Variants in SASS6 observed in about 807,000 individuals in gnomAD.
SASS6 encodes SAS-6 centriolar assembly protein.
Under a neutral mutation model 94.9 loss-of-function variants are expected in SASS6, and 59 were observed. The observed-to-expected ratio is 0.62, with a 90% confidence interval of 0.50 to 0.77. The LOEUF (loss-of-function observed/expected upper bound fraction) is 0.77. Among genes scored for constraint, SASS6 ranks in the 30% least tolerant of loss-of-function variants. The pLI, the probability that SASS6 is intolerant of heterozygous loss-of-function variation, is 0.00. For missense variants in SASS6, 698 were observed against 734.1 expected, an observed-to-expected ratio of 0.95 and a Z score of 0.57; for synonymous variants, 264 against 270.0, an observed-to-expected ratio of 0.98 and a Z score of 0.22.
At position 100,123,411 on chromosome 1, in the gene SASS6, G is replaced by C. The variant is rs888469417; in HGVS notation, c.127-122C>G. ...TCATAGTTATATTGCAGACAGCTTT[G>C]TTTTCTAGTGCTGCTGGTTTTTTAT... On this transcript the variant is annotated intron_variant, in intron 2 of 16. Coordinates refer to ENST00000287482, the MANE Select transcript of SASS6 (RefSeq NM_194292.3). The C allele has an allele frequency of 4.4e-5, 23 of 524,960 alleles. No homozygotes were observed. In the African/African-American group the frequency reaches 4.4e-4, roughly 10 times the overall value. The allele number at this position is 524,960 out of a possible 1,614,324, so 32.5% of individuals were successfully genotyped here. A position where few individuals can be genotyped will look rare whatever the true frequency, so the allele number is the denominator to read the frequency against.
At position 100,102,519 on chromosome 1, in the gene SASS6, T is replaced by C. The variant is rs987165064; in HGVS notation, c.1674+436A>G. 4.6e-5 allele frequency among the ~76,000 whole-genome samples: 7 copies of C among 151,692 alleles called. No individual in the cohort carries two copies. In the East Asian group the frequency reaches 9.7e-4, roughly 21 times the overall value. On this transcript the variant is annotated intron_variant, in intron 14 of 16. Coordinates refer to ENST00000287482, the MANE Select transcript of SASS6 (RefSeq NM_194292.3). ...TGGCGAAACCTCACCTCTACTAAAA[T>C]TGCAAAAAAATTAGCTGGGTGTAGT...
chr1:100,106,774 A>T, intron 12 of SASS6, 138 bp downstream of exon 12: 1 of 552,104 alleles, frequency 1.8e-6, no homozygotes. Context: ...GGATAACTTG[A>T]ACCAAAGTGG....
In SASS6 at chr1:100,108,309, T is replaced by A. The variant is rs58040672; in HGVS notation, c.862-305A>T. On this transcript the variant is annotated intron_variant, in intron 8 of 16. Transcript: ENST00000287482. ...AATTTTCTGATGTCTCCACAACTGATTCCAAGGGTAACCACGGGTGAGAGC... is the reference window on the plus strand; with the variant it reads ...AATTTTCTGATGTCTCCACAACTGAATCCAAGGGTAACCACGGGTGAGAGC... 0.033 allele frequency among the ~76,000 whole-genome samples: 5,029 copies of A among 152,234 alleles called. 302 individuals are homozygous for A. The highest frequency in any genetic ancestry group is 0.11 in the African/African-American group (4,728 of 41,554).
At chr1:100,121,049 CAAAAA>C (rs781458509) in intron 5 of SASS6, among the ~76,000 whole-genome samples, 1 of 48,278 alleles carries the variant, frequency 2.1e-5, no homozygotes, top group Non-Finnish European at 4.2e-5. Flanking sequence ...GACTCCGTCT[CAAAAA>C]AAAAAAAAAA....
intron 7 of SASS6, among the ~76,000 whole-genome samples, chr1:100,117,119 C>A (rs1424997295): frequency 6.6e-6 from 1 of 151,572 alleles, no homozygotes; most frequent in Non-Finnish European, 1.5e-5. Flanking sequence ...CATGGTGAAA[C>A]CCCGTCTTCA....
Position 100,086,111 on chromosome 1 carries a change from TG to T in SASS6, c.1773-482del, listed in dbSNP as rs200086123. ...TCAAATTAATACAAATGAGAAAATC[TG>T]GGGGAGAAAGAAGGGCATTTCTGTG... On this transcript the variant is annotated intron_variant, in intron 15 of 16. Coordinates refer to ENST00000287482, the MANE Select transcript of SASS6 (RefSeq NM_194292.3). Among the ~76,000 whole-genome samples, 1,262 of 140,092 alleles carry T rather than the reference TG, an allele frequency of 9.0e-3. 15 individuals carry two copies. The highest frequency in any genetic ancestry group is 0.014 in the Non-Finnish European group (896 of 62,982). The allele number at this position is 140,092 out of a possible 152,430, so 91.9% of individuals were successfully genotyped here.
intron 14 of SASS6, among the ~76,000 whole-genome samples, chr1:100,095,884 C>A (rs1180553781): frequency 1.3e-5 from 2 of 152,062 alleles, no homozygotes; most frequent in African/African-American, 4.8e-5. Context: ...TTGAAAACTG[C>A]AAAACATTAC....
chr1:100,124,157 G>T (rs1654400628), intron 2 of SASS6, among the ~76,000 whole-genome samples: 1 of 152,148 alleles, frequency 6.6e-6, no homozygotes, highest in African/African-American at 2.4e-5. Context: ...GGTACAGCAG[G>T]CATAAGGAAT....
chr1:100,096,586 A>G (rs1652125414), intron 14 of SASS6, among the ~76,000 whole-genome samples: 1 of 152,226 alleles, frequency 6.6e-6, no homozygotes. Context: ...AGACACATTG[A>G]GAAAATGAAA....
chr1:100,092,549 TCTC>T lies in SASS6; in HGVS notation c.1675-4316_1675-4314del, dbSNP rs201179434. ...ACTGGGTAATATAACGAACTAGTCTTCTCCACTCCAGAGTTTTTTTGTGTTTTT... is the reference window on the plus strand; with the variant it reads ...ACTGGGTAATATAACGAACTAGTCTTCACTCCAGAGTTTTTTTGTGTTTTT... On this transcript the variant is annotated intron_variant, in intron 14 of 16. Transcript: ENST00000287482. Among the ~76,000 whole-genome samples the T allele has an allele frequency of 8.3e-3, 1,266 of 152,198 alleles. 9 individuals are homozygous for T. The highest frequency in any genetic ancestry group is 0.013 in the Non-Finnish European group (899 of 67,984).
intron 4 of SASS6, among the ~76,000 whole-genome samples, chr1:100,122,113 T>A (rs1313851750): frequency 1.3e-5 from 2 of 152,218 alleles, no homozygotes; most frequent in Non-Finnish European, 2.9e-5. Context: ...CTTCCCTTTT[T>A]CCAATATCAT....
chr1:100,113,284 G>T (rs942111973), intron 7 of SASS6, among the ~76,000 whole-genome samples: 1 of 151,992 alleles, frequency 6.6e-6, no homozygotes, highest in Non-Finnish European at 1.5e-5. Flanking sequence ...GAACAACAAC[G>T]TCAAGAAGAA....
chr1:100,112,168 G>C (rs1653388182), intron 7 of SASS6, among the ~76,000 whole-genome samples: 1 of 152,122 alleles, frequency 6.6e-6, no homozygotes, highest in Admixed American at 6.6e-5. Context: ...ATTTGTAGAG[G>C]TGGAAGCAAT....
At chr1:100,126,288 A>G (rs1405748097) in intron 1 of SASS6, among the ~76,000 whole-genome samples, 1 of 152,200 alleles carries the variant, frequency 6.6e-6, no homozygotes, top group African/African-American at 2.4e-5. Flanking sequence ...CAAACCATCA[A>G]TTTAGTAACT....
intron 15 of SASS6, among the ~76,000 whole-genome samples, chr1:100,085,942 G>A (rs1465466112): frequency 1.3e-5 from 2 of 152,098 alleles, no homozygotes; most frequent in African/African-American, 4.8e-5. Flanking sequence ...AGAAAAATAC[G>A]TGCCTTGAGA....
At chr1:100,120,918 C>T (rs562588556) in intron 5 of SASS6, among the ~76,000 whole-genome samples, 2 of 150,780 alleles carry the variant, frequency 1.3e-5, no homozygotes, top group East Asian at 1.9e-4. Flanking sequence ...GGCGTAGTGG[C>T]GGGCGCCTGT....
intron 14 of SASS6, among the ~76,000 whole-genome samples, chr1:100,097,543 G>A (rs192761497): frequency 7.2e-5 from 11 of 152,250 alleles, no homozygotes; most frequent in African/African-American, 2.4e-4. Context: ...GAAAGATATG[G>A]GCCAGGCATG....
At chr1:100,086,800 C>T (rs1298788061) in intron 15 of SASS6, among the ~76,000 whole-genome samples, 2 of 151,818 alleles carry the variant, frequency 1.3e-5, no homozygotes, top group South Asian at 2.1e-4. Context: ...CCTGCCTCAG[C>T]CTCCCATGTA....
chr1:100,094,686 G>A (rs1254647954), intron 14 of SASS6, among the ~76,000 whole-genome samples: 6 of 151,956 alleles, frequency 3.9e-5, no homozygotes. Context: ...AGCCAACAGG[G>A]CGAAACCGTG....
Sources: gnomAD v4.1 joint callset for allele counts (sites outside exome capture counted in the v4.1 genomes callset) on GRCh38, gnomAD v4.1.1 for gene constraint, MANE v1.5 for transcripts, NCBI Gene and HGNC (gene_info 2026-07-23, HGNC 2026-07-21) for gene names.